Variants in PRKN observed in about 807,000 individuals in gnomAD.
The protein encoded by PRKN is E3 ubiquitin-protein ligase parkin.
In PRKN, 56 loss-of-function variants were observed where a neutral mutation model predicts 59.5. That is an observed-to-expected ratio of 0.94 (90% CI 0.76 to 1.18). PRKN has a LOEUF of 1.18. Ranked by LOEUF, PRKN falls within the 50% of genes most tolerant of loss-of-function variation. The pLI is 0.00. For missense variants in PRKN, 657 were observed against 596.4 expected (o/e 1.10, Z -1.06); for synonymous variants, 250 against 222.1 (o/e 1.13, Z -1.12).
At chr6:162,378,007 T>C (rs906276906) in intron 2 of PRKN, among the ~76,000 whole-genome samples, 2 of 152,186 alleles carry the variant, frequency 1.3e-5, no homozygotes, top group African/African-American at 4.8e-5. Context: ...GTGGGCATCG[T>C]TCACTCCCTT....
chr6:162,049,298 A>G (rs1043235441), intron 5 of PRKN, among the ~76,000 whole-genome samples: 1 of 151,926 alleles, frequency 6.6e-6, no homozygotes, highest in African/African-American at 2.4e-5. Context: ...TATAAAATAA[A>G]TTATATATAG....
intron 5 of PRKN, among the ~76,000 whole-genome samples, chr6:162,053,506 C>A (rs139120536): frequency 6.6e-6 from 1 of 152,186 alleles, no homozygotes; most frequent in African/African-American, 2.4e-5. Flanking sequence ...GGGGTTCTTT[C>A]AGGAAATATC....
intron 7 of PRKN, among the ~76,000 whole-genome samples, chr6:161,640,044 C>A (rs1314444329): frequency 6.6e-6 from 1 of 152,334 alleles, no homozygotes; most frequent in Non-Finnish European, 1.5e-5. Context: ...CTTTTAACGT[C>A]TCCTGGGGAC....
chr6:161,885,269 C>T (rs1795091638), intron 6 of PRKN, among the ~76,000 whole-genome samples: 2 of 152,054 alleles, frequency 1.3e-5, no homozygotes, highest in South Asian at 2.1e-4. Context: ...TGAACATCAG[C>T]GTATGGGAAG....
At chr6:161,708,018 T>C (rs1320173442) in intron 7 of PRKN, among the ~76,000 whole-genome samples, 2 of 152,180 alleles carry the variant, frequency 1.3e-5, no homozygotes, top group Non-Finnish European at 2.9e-5. Flanking sequence ...TTGGAGTATG[T>C]TGCCCTCATT....
chr6:162,337,553 A>T (rs1783897771), intron 2 of PRKN, among the ~76,000 whole-genome samples: 1 of 152,192 alleles, frequency 6.6e-6, no homozygotes, highest in African/African-American at 2.4e-5. Context: ...GGGATTTGAG[A>T]ACACAGAGAG....
chr6:161,775,245 C>A (rs1367121582), intron 7 of PRKN, among the ~76,000 whole-genome samples: 1 of 151,782 alleles, frequency 6.6e-6, no homozygotes, highest in African/African-American at 2.4e-5. Context: ...TTTAAGTTAG[C>A]AATTCTTTTT....
chr6:162,185,039 A>C (rs1382143761), intron 4 of PRKN, among the ~76,000 whole-genome samples: 1 of 152,136 alleles, frequency 6.6e-6, no homozygotes, highest in African/African-American at 2.4e-5. Context: ...TCATCTAATA[A>C]AGACAAAAGT....
At chr6:162,607,148 AGAC>A (rs1781954388) in intron 1 of PRKN, among the ~76,000 whole-genome samples, 1 of 152,204 alleles carries the variant, frequency 6.6e-6, no homozygotes, top group South Asian at 2.1e-4. Context: ...TAGAAGTCAC[AGAC>A]ACAAAGAGAT....
intron 7 of PRKN, among the ~76,000 whole-genome samples, chr6:161,671,574 C>T (rs1199027610): frequency 6.6e-6 from 1 of 152,146 alleles, no homozygotes; most frequent in Non-Finnish European, 1.5e-5. Context: ...CGTAGTTCCT[C>T]CCCTGTTTGT....
At chr6:161,867,871 C>T (rs1053912552) in intron 6 of PRKN, among the ~76,000 whole-genome samples, 17 of 151,914 alleles carry the variant, frequency 1.1e-4, no homozygotes, top group African/African-American at 3.9e-4. Flanking sequence ...AGCGATTCTC[C>T]TGCCTCAGCC....
rs114093690 is a variant in PRKN at position 161,585,771 on chromosome 6, C to T, written c.872-16355G>A. On this transcript the variant is annotated intron_variant, in intron 7 of 11. Transcript: ENST00000366898. The stretch of plus-strand genomic sequence containing the variant: ...AGTAGGTGGTCCTCCTGCCTCTTGC[C>T]TTTTTATTTTCTACAGCTGGCTCGA... 7.0e-3 allele frequency among the ~76,000 whole-genome samples: 1,065 copies of T among 152,206 alleles called. 15 individuals are homozygous for T. Among genetic ancestry groups the T allele is most frequent in the African/African-American group, 0.024 (1,005 of 41,530 alleles).
Position 162,716,278 on chromosome 6 carries a change from A to T in PRKN, c.7+11384T>A, listed in dbSNP as rs564675423. Among the ~76,000 whole-genome samples, 5 of 152,346 alleles carry T rather than the reference A, an allele frequency of 3.3e-5. No individual in the cohort carries two copies. The South Asian group carries it at 1.0e-3, about 32-fold the overall frequency. On this transcript the variant is annotated intron_variant, in intron 1 of 11. Coordinates refer to ENST00000366898, the MANE Select transcript of PRKN (RefSeq NM_004562.3). Reference sequence around the variant, plus strand: ...ATATTTTCCAAATGTTTCTGTTAAAACTGCCTCAAGAAACCAAATTCTATG... The same window carrying T: ...ATATTTTCCAAATGTTTCTGTTAAATCTGCCTCAAGAAACCAAATTCTATG...
intron 5 of PRKN, among the ~76,000 whole-genome samples, chr6:162,052,617 T>A (rs1450479415): frequency 6.6e-6 from 1 of 152,168 alleles, no homozygotes; most frequent in Non-Finnish European, 1.5e-5. Context: ...AACTCATGAC[T>A]GACTACATTA....
intron 6 of PRKN, among the ~76,000 whole-genome samples, chr6:161,955,749 C>A (rs1780148165): frequency 6.6e-6 from 1 of 152,148 alleles, no homozygotes; most frequent in Non-Finnish European, 1.5e-5. Flanking sequence ...ACTTGGGAGG[C>A]TGAGGCAGGA....
At chr6:161,950,206 C>G (rs929622645) in intron 6 of PRKN, among the ~76,000 whole-genome samples, 3 of 152,152 alleles carry the variant, frequency 2.0e-5, no homozygotes, top group Non-Finnish European at 4.4e-5. Flanking sequence ...GAAATGGCAG[C>G]AGACAACACA....
rs945322561 is a variant in PRKN, at chr6:161,362,217, C to T, written c.1168-2012G>A. Among the ~76,000 whole-genome samples, 1 of 152,162 alleles carries T rather than the reference C, an allele frequency of 6.6e-6. No individual in the cohort carries two copies. The highest frequency in any genetic ancestry group is 6.6e-5 in the Admixed American group (1 of 15,260). ...TCCCAGGTCCACACACCTAAAAATG[C>T]TGGATCAAATATGGAAAAAAATCTT... On this transcript the variant is annotated intron_variant, in intron 10 of 11. Transcript: ENST00000366898. The surrounding 1 kb of genome is among the most constrained non-coding windows in gnomAD (Gnocchi z 5.2).
At chr6:161,937,399 A>G (rs1779398463) in intron 6 of PRKN, among the ~76,000 whole-genome samples, 1 of 152,238 alleles carries the variant, frequency 6.6e-6, no homozygotes, top group Non-Finnish European at 1.5e-5. Flanking sequence ...AACTGAAAGT[A>G]TTGGTCGCAG....
At chr6:161,795,428 C>T (rs1388935350) in intron 6 of PRKN, among the ~76,000 whole-genome samples, 3 of 151,306 alleles carry the variant, frequency 2.0e-5, no homozygotes, top group African/African-American at 7.3e-5. Context: ...GAGATGGGGT[C>T]TCGCCATGTT....
Sources: gnomAD v4.1 joint callset for allele counts (sites outside exome capture counted in the v4.1 genomes callset) on GRCh38, gnomAD v4.1.1 for gene constraint, Gnocchi (gnomAD v3.1) non-coding constraint, MANE v1.5 for transcripts, NCBI Gene and HGNC (gene_info 2026-07-23, HGNC 2026-07-21) for gene names.